Variants in ITPK1 observed in about 807,000 individuals in gnomAD.
ITPK1 encodes inositol 1,3,4-trisphosphate 5/6-kinase.
In ITPK1, 21 loss-of-function variants were observed where a neutral mutation model predicts 45.3. The observed-to-expected ratio is 0.46, with a 90% CI of 0.33 to 0.67. The LOEUF is 0.67. Among genes scored for constraint, ITPK1 ranks in the 30% least tolerant of loss-of-function variants. The pLI, the probability that ITPK1 is intolerant of heterozygous loss-of-function variation, is 0.02. For synonymous variants in ITPK1, 258 were observed against 253.6 expected, an observed-to-expected ratio of 1.02 and a Z score of -0.16; for missense variants, 474 against 573.5, an observed-to-expected ratio of 0.83 and a Z score of 1.77.
intron 2 of ITPK1, among the ~76,000 whole-genome samples, chr14:93,084,709 G>A (rs187064152): frequency 6.6e-5 from 10 of 152,334 alleles, no homozygotes; most frequent in Non-Finnish European, 1.0e-4. Flanking sequence ...TGGAGGTGCA[G>A]CTCAGAAGAC....
chr14:92,994,909 A>AT (rs1276542113), intron 4 of ITPK1, among the ~76,000 whole-genome samples: 1 of 152,168 alleles, frequency 6.6e-6, no homozygotes, highest in Non-Finnish European at 1.5e-5. Context: ...AGGACTCCAT[A>AT]TGGGTGGACC....
chr14:93,041,876 C>T (rs1345575969), intron 3 of ITPK1, among the ~76,000 whole-genome samples: 2 of 152,170 alleles, frequency 1.3e-5, no homozygotes, highest in South Asian at 4.1e-4. Context: ...GGTTCAGATG[C>T]TAGGAACTCC....
At chr14:92,993,215 C>A (rs1026887378) in intron 5 of ITPK1, among the ~76,000 whole-genome samples, 7 of 152,228 alleles carry the variant, frequency 4.6e-5, no homozygotes, top group Non-Finnish European at 2.9e-5. Context: ...TAAACAAGAG[C>A]TCTCAGCAGG....
rs1887351569 is a variant in ITPK1 at position 92,941,024 on chromosome 14, C to CA, written c.*536dup. 1 of 1,248,462 alleles carries CA rather than the reference C, an allele frequency of 8.0e-7. No homozygotes were observed. Among genetic ancestry groups the CA allele is most frequent in the Non-Finnish European group, 1.0e-6 (1 of 968,040 alleles). 77.3% of individuals were successfully genotyped at this position (1,248,462 alleles called of 1,614,324 possible). A position where few individuals can be genotyped will look rare whatever the true frequency, so the allele number is the denominator to read the frequency against. On this transcript the variant is annotated 3_prime_UTR_variant, in exon 11 of 11. Coordinates refer to ENST00000267615, the MANE Select transcript of ITPK1 (RefSeq NM_014216.6). ...TGTGGGGAGGGAGGGGTTAGCTGCACACCAGGCAGGGTGGGGGCTAACAAA... is the reference window on the plus strand; with the variant it reads ...TGTGGGGAGGGAGGGGTTAGCTGCACAACCAGGCAGGGTGGGGGCTAACAAA...
chr14:93,034,835 G>C lies in ITPK1; in HGVS notation c.121-18034C>G, dbSNP rs2139898286. Among the ~76,000 whole-genome samples, 1 of 152,374 alleles carries C rather than the reference G, an allele frequency of 6.6e-6. No homozygotes were observed. Among genetic ancestry groups the C allele is most frequent in the South Asian group, 2.1e-4 (1 of 4,832 alleles). On this transcript the variant is annotated intron_variant, in intron 3 of 10. Transcript: ENST00000267615. This position sits in a 1 kb window ranked among gnomAD's most constrained non-coding sequence, Gnocchi z 4.1. Reference sequence around the variant, plus strand: ...GTGCCCAGGGGCTATGCCCTGTGTGGGCCTGCACCACAGGGCCGAGGATTC... The same window carrying C: ...GTGCCCAGGGGCTATGCCCTGTGTGCGCCTGCACCACAGGGCCGAGGATTC...
rs1343288942 is a variant in ITPK1 at position 93,063,156 on chromosome 14, C to T, written c.120+13439G>A. Reference sequence around the variant, plus strand: ...GTCCCAAAGGCATCCTTGCCCATCCCGGCTGCCGATGATCCTGTCAAAACA... The same window carrying T: ...GTCCCAAAGGCATCCTTGCCCATCCTGGCTGCCGATGATCCTGTCAAAACA... On this transcript the variant is annotated intron_variant, in intron 3 of 10. Coordinates refer to ENST00000267615, the MANE Select transcript of ITPK1 (RefSeq NM_014216.6). This position sits in a 1 kb window ranked among gnomAD's most constrained non-coding sequence, Gnocchi z 4.3. 3.3e-5 allele frequency among the ~76,000 whole-genome samples: 5 copies of T among 152,338 alleles called. No individual in the cohort carries two copies. The highest frequency in any genetic ancestry group is 6.8e-3 in the Middle Eastern group (2 of 294).
chr14:93,034,715 T>TG lies in ITPK1; in HGVS notation c.121-17915dup, dbSNP rs2139897971. Among the ~76,000 whole-genome samples the TG allele has an allele frequency of 6.6e-6, 1 of 152,380 alleles. No homozygotes were observed. Among genetic ancestry groups the TG allele is most frequent in the African/African-American group, 2.4e-5 (1 of 41,594 alleles). On this transcript the variant is annotated intron_variant, in intron 3 of 10. Coordinates refer to ENST00000267615, the MANE Select transcript of ITPK1 (RefSeq NM_014216.6). The surrounding 1 kb of genome is among the most constrained non-coding windows in gnomAD (Gnocchi z 4.1). ...CAGACACTGAGATGGAAGCGGCAGC[T>TG]GTGCCCACTGAGGGAGGGTGAAGAA...
At chr14:93,009,600 T>C (rs1887791515) in intron 4 of ITPK1, among the ~76,000 whole-genome samples, 1 of 152,204 alleles carries the variant, frequency 6.6e-6, no homozygotes, top group Admixed American at 6.5e-5. Flanking sequence ...ATGGACAGAT[T>C]GTGTGGCTGT....
intron 5 of ITPK1, among the ~76,000 whole-genome samples, chr14:92,982,240 G>A (rs539514176): frequency 2.0e-5 from 3 of 152,312 alleles, no homozygotes; most frequent in South Asian, 4.1e-4. Flanking sequence ...CTGCATGATC[G>A]CCAGAACTGC....
intron 3 of ITPK1, among the ~76,000 whole-genome samples, chr14:93,017,764 G>A (rs973694862): frequency 6.6e-6 from 1 of 152,200 alleles, no homozygotes; most frequent in Non-Finnish European, 1.5e-5. Context: ...TTTCCCTCCA[G>A]GATTCAAGGC....
At chr14:93,073,583 G>A (rs1048342543) in intron 3 of ITPK1, among the ~76,000 whole-genome samples, 3 of 152,218 alleles carry the variant, frequency 2.0e-5, no homozygotes, top group East Asian at 1.9e-4. Context: ...GGTCACCAGC[G>A]TTTTGCAGTC....
intron 9 of ITPK1, among the ~76,000 whole-genome samples, chr14:92,949,145 G>C (rs1420376685): frequency 6.6e-6 from 1 of 151,166 alleles, no homozygotes; most frequent in Non-Finnish European, 1.5e-5. Context: ...CCAGGCTACA[G>C]TGCAATGGCG....
chr14:93,073,123 C>T (rs989979286), intron 3 of ITPK1, among the ~76,000 whole-genome samples: 4 of 152,258 alleles, frequency 2.6e-5, no homozygotes, highest in African/African-American at 9.6e-5. Flanking sequence ...CCAATTACTT[C>T]ACCCAAAGTA....
At chr14:92,982,372 G>T (rs1451182241) in intron 5 of ITPK1, among the ~76,000 whole-genome samples, 2 of 152,192 alleles carry the variant, frequency 1.3e-5, no homozygotes. Flanking sequence ...TGAAGAGGAA[G>T]CTGGAGATTC....
rs549867226 is a variant in ITPK1 at position 92,962,794 on chromosome 14, G to T, written c.420C>A (p.Asp140Glu). The change falls in exon 6 of 11, where the codon GAC becomes GAA. Residue 140 changes from aspartate to glutamate, a missense_variant. Around this residue, in one of 2 missense-constraint regions of ITPK1, gnomAD observed 367 missense variants for 480.6 expected, o/e 0.76. Transcript: ENST00000267615. The stretch of plus-strand genomic sequence containing the variant: ...CGTTCTTCTCCAGCAGCCGCATGGT[G>T]TCATCCCCGCACAGGCTCGTGAGCT... ...FMELTSLCGD[D>E]TMRLLEKNGL... is the part of the protein sequence containing the mutation. The T allele has an allele frequency of 1.2e-6, 2 of 1,614,000 alleles. No individual in the cohort carries two copies. Among genetic ancestry groups the T allele is most frequent in the South Asian group, 2.2e-5 (2 of 91,088 alleles).
chr14:92,943,901 C>G (rs146789984), intron 10 of ITPK1, among the ~76,000 whole-genome samples: 4 of 152,336 alleles, frequency 2.6e-5, no homozygotes, highest in African/African-American at 9.6e-5. Flanking sequence ...AGATTCGAAC[C>G]CATGGCTGGA....
intron 3 of ITPK1, among the ~76,000 whole-genome samples, chr14:93,073,244 G>A (rs1891093881): frequency 6.6e-6 from 1 of 152,202 alleles, no homozygotes; most frequent in Admixed American, 6.5e-5. Context: ...CACACAGACA[G>A]GAACCTGACC....
chr14:92,952,547 T>A (rs1439634364), intron 8 of ITPK1, among the ~76,000 whole-genome samples: 1 of 151,816 alleles, frequency 6.6e-6, no homozygotes, highest in Non-Finnish European at 1.5e-5. Context: ...GGGAAAAAAA[T>A]AGGAAATCAG....
In ITPK1 at chr14:93,106,587, T is replaced by G. The variant is rs144405466; in HGVS notation, c.95+8482A>C. Among the ~76,000 whole-genome samples, 1,294 of 152,302 alleles carry G rather than the reference T, an allele frequency of 8.5e-3. 12 individuals are homozygous for G. Among genetic ancestry groups the G allele is most frequent in the Middle Eastern group, 0.014 (4 of 294 alleles). ...GAATGTCGCCTCCTTAGAGAGGCCT[T>G]CTCTGACCACAGAGTGCTAAAGTGG... is the stretch of plus-strand genomic sequence containing the variant. On this transcript the variant is annotated intron_variant, in intron 2 of 10. Transcript: ENST00000267615.
Sources: gnomAD v4.1 joint callset for allele counts (sites outside exome capture counted in the v4.1 genomes callset) on GRCh38, gnomAD v4.1.1 for gene constraint, gnomAD v4.1.1 regional missense constraint, Gnocchi (gnomAD v3.1) non-coding constraint, MANE v1.5 for transcripts, NCBI Gene and HGNC (gene_info 2026-07-23, HGNC 2026-07-21) for gene names.